The following PCDHGB5 variants were observed in gnomAD, a reference collection of about 807,000 sequenced individuals.
PCDHGB5 encodes protocadherin gamma subfamily B, 5, also known as protocadherin gamma-B5.
A neutral mutation model predicts 62.9 loss-of-function variants in PCDHGB5; 48 were observed. That is an observed-to-expected ratio of 0.76 (90% confidence interval 0.61 to 0.97). PCDHGB5 has a LOEUF of 0.97. Among genes scored for constraint, PCDHGB5 ranks in the 50% least tolerant of loss-of-function variants. The probability of loss-of-function intolerance (pLI) is 0.00; values close to 1 mark genes in which losing one functional copy is unlikely to be tolerated. For synonymous variants in PCDHGB5, 474 were observed against 511.2 expected, an observed-to-expected ratio of 0.93 and a Z score of 0.98; for missense variants, 1,118 against 1,198.6, an observed-to-expected ratio of 0.93 and a Z score of 0.99.
At chr5:141,441,173 C>G (rs2098230611) in intron 1 of PCDHGB5, 1 of 152,180 alleles carries the variant, frequency 6.6e-6, no homozygotes, top group South Asian at 2.1e-4. Context: ...ATTTTTACTT[C>G]TAATTCCACA....
intron 1 of PCDHGB5, among the ~76,000 whole-genome samples, chr5:141,468,088 G>T (rs186503104): frequency 6.6e-6 from 1 of 152,186 alleles, no homozygotes; most frequent in East Asian, 1.9e-4. Context: ...ACTTTGGGAG[G>T]TTGAGGCAGG....
intron 1 of PCDHGB5, among the ~76,000 whole-genome samples, chr5:141,448,831 G>C (rs985602153): frequency 4.6e-5 from 7 of 152,096 alleles, no homozygotes; most frequent in Non-Finnish European, 7.4e-5. Flanking sequence ...TGTAGTCCCA[G>C]CTACTCTGGA....
At chr5:141,466,104 AGAGT>A (rs2154569127) in intron 1 of PCDHGB5, among the ~76,000 whole-genome samples, 1 of 152,144 alleles carries the variant, frequency 6.6e-6, no homozygotes, top group Admixed American at 6.5e-5. Flanking sequence ...CCTGGGCAAC[AGAGT>A]GAGACTCCAG....
At chr5:141,428,241 A>C (rs1416124194) in intron 1 of PCDHGB5, 1 of 961,518 alleles carries the variant, frequency 1.0e-6, no homozygotes, top group Admixed American at 2.0e-5. Flanking sequence ...TGCAGGAGGC[A>C]CTGCCAGACT....
At chr5:141,452,472 A>C (rs995927368) in intron 1 of PCDHGB5, among the ~76,000 whole-genome samples, 6 of 152,170 alleles carry the variant, frequency 3.9e-5, no homozygotes, top group Non-Finnish European at 8.8e-5. Flanking sequence ...AGCTAGGAAA[A>C]ACACACATAA....
At chr5:141,405,240 C>G (rs2094630274) in intron 1 of PCDHGB5, 4 of 1,614,136 alleles carry the variant, frequency 2.5e-6, no homozygotes, top group African/African-American at 2.7e-5. Context: ...ACCGCTGACT[C>G]AAGGAAGAGT....
intron 2 of PCDHGB5, among the ~76,000 whole-genome samples, chr5:141,497,248 G>A (rs1442942520): frequency 6.6e-6 from 1 of 152,128 alleles, no homozygotes; most frequent in African/African-American, 2.4e-5. Context: ...AGGAGGAGGT[G>A]ACATTGAGAA....
chr5:141,420,335 A>G (rs2096490280), intron 1 of PCDHGB5: 1 of 1,403,918 alleles, frequency 7.1e-7, no homozygotes, highest in Non-Finnish European at 9.5e-7. Flanking sequence ...ATATTCCAAT[A>G]TAGTGGTATT....
At chr5:141,433,828 ACT>A (rs1431945413) in intron 1 of PCDHGB5, among the ~76,000 whole-genome samples, 2 of 142,254 alleles carry the variant, frequency 1.4e-5, no homozygotes, top group Admixed American at 7.0e-5. Flanking sequence ...CAAGAGTGAA[ACT>A]CTATCTCAAA....
rs549047197 is a variant in PCDHGB5, at chr5:141,502,866, C to CTTTTTTTTTTTTTTT, written c.2457-2513_2457-2512insTTTTTTTTTTTTTTT. Reference sequence around the variant, plus strand: ...GAGCTGCCTAACCCTGACTCTCTGTCTTTTTTTTTTTTTTGACAGGGAGTC... The same window carrying CTTTTTTTTTTTTTTT: ...GAGCTGCCTAACCCTGACTCTCTGTCTTTTTTTTTTTTTTTTTTTTTTTTTTTTTGACAGGGAGTC... On this transcript the variant is annotated intron_variant, in intron 2 of 3. Coordinates refer to ENST00000617380, the MANE Select transcript of PCDHGB5 (RefSeq NM_018925.3). 1.1e-4 allele frequency among the ~76,000 whole-genome samples: 14 copies of CTTTTTTTTTTTTTTT among 128,026 alleles called. 3 individuals are homozygous for CTTTTTTTTTTTTTTT. Among genetic ancestry groups the CTTTTTTTTTTTTTTT allele is most frequent in the Admixed American group, 1.7e-4 (2 of 11,664 alleles). The allele number at this position is 128,026 out of a possible 152,430, so 84.0% of individuals were successfully genotyped here.
chr5:141,405,192 G>A (rs2154536235), intron 1 of PCDHGB5: 5 of 1,613,938 alleles, frequency 3.1e-6, no homozygotes, highest in East Asian at 2.2e-5. Context: ...GATGGGGTTC[G>A]AGCTTTCCTA....
Position 141,476,878 on chromosome 5 carries a change from G to A in PCDHGB5, c.2398-17929G>A. 2 of 1,613,960 alleles carry A rather than the reference G, an allele frequency of 1.2e-6. No homozygotes were observed. The highest frequency in any genetic ancestry group is 1.7e-6 in the Non-Finnish European group (2 of 1,180,034). Reference sequence around the variant, plus strand: ...AGTCCTTGTACCGGGCGCGCGTCCTGGAGGATGCACCCTCCGGCACGCGCG... The same window carrying A: ...AGTCCTTGTACCGGGCGCGCGTCCTAGAGGATGCACCCTCCGGCACGCGCG... On this transcript the variant is annotated intron_variant, in intron 1 of 3. Transcript: ENST00000617380. This position sits in a 1 kb window ranked among gnomAD's most constrained non-coding sequence, Gnocchi z 7.6.
Position 141,489,331 on chromosome 5 carries a change from C to G in PCDHGB5, c.2398-5476C>G. ...CTGCTGGGGCTGGGTGTCTGGGCAG[C>G]TTCGTTACTCAGTGGTGGAGGAGTC... On this transcript the variant is annotated intron_variant, in intron 1 of 3. Coordinates refer to ENST00000617380, the MANE Select transcript of PCDHGB5 (RefSeq NM_018925.3). The surrounding 1 kb of genome is among the most constrained non-coding windows in gnomAD (Gnocchi z 4.5). 1 of 1,605,478 alleles carries G rather than the reference C, an allele frequency of 6.2e-7. No homozygotes were observed. Among genetic ancestry groups the G allele is most frequent in the Non-Finnish European group, 8.5e-7 (1 of 1,174,878 alleles).
At chr5:141,455,159 G>GT (rs1390145608) in intron 1 of PCDHGB5, among the ~76,000 whole-genome samples, 2,419 of 144,948 alleles carry the variant, frequency 0.017, 50 homozygotes, top group African/African-American at 0.056. Context: ...TTAGTTTGTT[G>GT]GTTTTTTTTT....
chr5:141,507,691 A>G (rs777728143), intron 3 of PCDHGB5, among the ~76,000 whole-genome samples: 72 of 152,198 alleles, frequency 4.7e-4, no homozygotes, highest in Non-Finnish European at 6.8e-4. Context: ...CAGAAATGAA[A>G]TCAGTATTTA....
In PCDHGB5 at chr5:141,418,429, A is replaced by G. The variant is rs765952024; in HGVS notation, c.2397+17905A>G. ...AGAAAGACAATCCTGATGGTGGCAAATATCCAGAATTAGTATTGCAGAAGA... is the reference window on the plus strand; with the variant it reads ...AGAAAGACAATCCTGATGGTGGCAAGTATCCAGAATTAGTATTGCAGAAGA... On this transcript the variant is annotated intron_variant, in intron 1 of 3. Transcript: ENST00000617380. 8.7e-6 allele frequency: 14 copies of G among 1,613,972 alleles called. No homozygotes were observed. In the South Asian group the frequency reaches 1.5e-4, roughly 18 times the overall value.
Position 141,486,772 on chromosome 5 carries a change from T to A in PCDHGB5, c.2398-8035T>A. ...ATGAGCAAACCCAGACACTGCAGTT[T>A]GAGGTGCAGGCCCGGGATCGGGGCA... is the stretch of plus-strand genomic sequence containing the variant. On this transcript the variant is annotated intron_variant, in intron 1 of 3. Coordinates refer to ENST00000617380, the MANE Select transcript of PCDHGB5 (RefSeq NM_018925.3). The surrounding 1 kb of genome is among the most constrained non-coding windows in gnomAD (Gnocchi z 5.0). 1 of 1,614,246 alleles carries A rather than the reference T, an allele frequency of 6.2e-7. No homozygotes were observed. Among genetic ancestry groups the A allele is most frequent in the South Asian group, 1.1e-5 (1 of 91,088 alleles).
At chr5:141,443,844 G>T (rs976057583) in intron 1 of PCDHGB5, among the ~76,000 whole-genome samples, 1 of 152,130 alleles carries the variant, frequency 6.6e-6, no homozygotes, top group African/African-American at 2.4e-5. Flanking sequence ...GGGTAATATG[G>T]AAAGTCTGAA....
chr5:141,425,119 T>G (rs1234720658), intron 1 of PCDHGB5, among the ~76,000 whole-genome samples: 1 of 152,220 alleles, frequency 6.6e-6, no homozygotes, highest in Non-Finnish European at 1.5e-5. Context: ...ACATTTTTCT[T>G]GAAGTCAAGA....
Sources: allele counts gnomAD v4.1 joint callset (sites outside exome capture counted in the v4.1 genomes callset), GRCh38; gene constraint gnomAD v4.1.1; non-coding constraint Gnocchi (gnomAD v3.1); transcripts MANE v1.5; gene names NCBI Gene and HGNC (gene_info 2026-07-23, HGNC 2026-07-21).